Variants in C16orf92 observed in about 807,000 individuals in gnomAD.
C16orf92 encodes the protein fertilization-influencing membrane protein.
Under a neutral mutation model 13.7 loss-of-function variants are expected in C16orf92, and 14 were observed. The ratio of observed to expected loss-of-function variants is 1.02; its 90% CI spans 0.67 to 1.60. The LOEUF is 1.60. Among genes scored for constraint, C16orf92 ranks in the 40% most tolerant of loss-of-function variants. The pLI is 0.00. For synonymous variants in C16orf92, 50 were observed against 57.4 expected (o/e 0.87, Z 0.58); for missense variants, 116 against 139.0 (o/e 0.83, Z 0.83).
downstream of C16orf92, chr16:30,027,286 T>C (rs950289389): frequency 7.3e-6 from 3 of 413,662 alleles, no homozygotes; most frequent in African/African-American, 4.1e-5. Context: ...CGCCCATTCC[T>C]GCCTCCTGGG....
chr16:30,026,883 A>G (rs755410494), downstream of C16orf92: 2 of 1,546,054 alleles, frequency 1.3e-6, no homozygotes, highest in South Asian at 2.3e-5. Flanking sequence ...CAAGGAGGAA[A>G]GGGGACACCA....
chr16:30,024,429 G>A lies in C16orf92; in HGVS notation c.*202G>A, dbSNP rs868386125. On this transcript the variant is annotated 3_prime_UTR_variant, in exon 4 of 4. Coordinates refer to ENST00000681219, the MANE Select transcript of C16orf92 (RefSeq NM_001109659.2). ...GAACTTGGTGGCAAGGGCCTTGGTG[G>A]CGTTCACGCAGATCGTCTTTTATTA... 9 of 709,072 alleles carry A rather than the reference G, an allele frequency of 1.3e-5. 1 individual carries two copies. The Middle Eastern group carries it at 1.6e-3, about 125-fold the overall frequency. The allele number at this position is 709,072 out of a possible 1,614,324, so 43.9% of individuals were successfully genotyped here.
chr16:30,025,192 G>T, downstream of C16orf92: 1 of 1,473,178 alleles, frequency 6.8e-7, no homozygotes, highest in Non-Finnish European at 8.9e-7. This position sits in a 1 kb window ranked among gnomAD's most constrained non-coding sequence, Gnocchi z 4.1. Context: ...CTCAGTCCTG[G>T]GCCTGGCAGG....
intron 1 of C16orf92, 119 bp from the exon 2 acceptor site, chr16:30,023,608 C>A: frequency 6.4e-7 from 1 of 1,565,638 alleles, no homozygotes; most frequent in Non-Finnish European, 8.8e-7. Flanking sequence ...AAATCAAGAC[C>A]CTCCACAGCC....
chr16:30,025,000 A>C, downstream of C16orf92: 1 of 526,754 alleles, frequency 1.9e-6, no homozygotes, highest in Non-Finnish European at 3.3e-6. Context: ...GAGTAGGGGG[A>C]AGAGGTCCCC....
Position 30,024,258 on chromosome 16 carries a change from G to A in C16orf92, c.*31G>A. 1 of 1,610,508 alleles carries A rather than the reference G, an allele frequency of 6.2e-7. No homozygotes were observed. Among genetic ancestry groups the A allele is most frequent in the African/African-American group, 1.3e-5 (1 of 74,916 alleles). ...CGGACAAGGGCTCTGGACTCAACCT[G>A]AGCACCCACACCCACCTCCTCTCCT... is the stretch of plus-strand genomic sequence containing the variant. On this transcript the variant is annotated 3_prime_UTR_variant, in exon 4 of 4. Coordinates refer to ENST00000681219, the MANE Select transcript of C16orf92 (RefSeq NM_001109659.2).
Position 30,024,296 on chromosome 16 carries a change from A to G in C16orf92, c.*69A>G. ...CACCTCCTCTCCTGTTGATGAGCAAAAGTTCCCTGCTTTCCTCCTCCCTGA... is the reference window on the plus strand; with the variant it reads ...CACCTCCTCTCCTGTTGATGAGCAAGAGTTCCCTGCTTTCCTCCTCCCTGA... On this transcript the variant is annotated 3_prime_UTR_variant, in exon 4 of 4. Coordinates refer to ENST00000681219, the MANE Select transcript of C16orf92 (RefSeq NM_001109659.2). The G allele has an allele frequency of 7.1e-6, 11 of 1,555,446 alleles. No individual in the cohort carries two copies. The highest frequency in any genetic ancestry group is 8.8e-6 in the Non-Finnish European group (10 of 1,131,422).
downstream of C16orf92, chr16:30,026,633 C>T (rs1207219618): frequency 6.2e-7 from 1 of 1,613,722 alleles, no homozygotes; most frequent in East Asian, 2.2e-5. Flanking sequence ...AGCACACCAG[C>T]ACCATGGCGG....
downstream of C16orf92, chr16:30,025,621 G>C (rs140294527): frequency 6.6e-4 from 942 of 1,427,958 alleles, 1 homozygote; most frequent in Non-Finnish European, 8.5e-4. This position sits in a 1 kb window ranked among gnomAD's most constrained non-coding sequence, Gnocchi z 4.1. Context: ...CACGGGGTGA[G>C]GGGGGGATGA....
At position 30,023,980 on chromosome 16, in the gene C16orf92, G is replaced by C; in HGVS notation, c.224-19G>C. On this transcript the variant is annotated intron_variant, in intron 2 of 3. Transcript: ENST00000681219. ...ATTGGGCCATCAGAGGGGAGTTAAGGGTCCTGTTTGTCTAGCAGGTTCCAG... is the reference window on the plus strand; with the variant it reads ...ATTGGGCCATCAGAGGGGAGTTAAGCGTCCTGTTTGTCTAGCAGGTTCCAG... 1 of 1,605,728 alleles carries C rather than the reference G, an allele frequency of 6.2e-7. No individual in the cohort carries two copies. The highest frequency in any genetic ancestry group is 8.5e-7 in the Non-Finnish European group (1 of 1,172,418).
chr16:30,025,494 C>A (rs369393920), downstream of C16orf92: 2 of 1,609,290 alleles, frequency 1.2e-6, no homozygotes, highest in East Asian at 2.2e-5. The surrounding 1 kb of genome is among the most constrained non-coding windows in gnomAD (Gnocchi z 4.1). Flanking sequence ...ACAGTGGCCA[C>A]GGCAGCAGAA....
downstream of C16orf92, chr16:30,025,100 G>A (rs2071046340): frequency 1.0e-6 from 1 of 966,794 alleles, no homozygotes; most frequent in Non-Finnish European, 1.5e-6. The surrounding 1 kb of genome is among the most constrained non-coding windows in gnomAD (Gnocchi z 4.1). Context: ...AGAGGACCCT[G>A]GCTCCCAACC....
chr16:30,026,777 C>CATGGCGTAG (rs762387425), downstream of C16orf92: 1 of 1,614,180 alleles, frequency 6.2e-7, no homozygotes, highest in Non-Finnish European at 8.5e-7. Flanking sequence ...GACAGAGGAA[C>CATGGCGTAG]ATGGCGTAGA....
downstream of C16orf92, chr16:30,025,477 C>T (rs1198367455): frequency 6.2e-7 from 1 of 1,611,044 alleles, no homozygotes; most frequent in Non-Finnish European, 8.5e-7. This position sits in a 1 kb window ranked among gnomAD's most constrained non-coding sequence, Gnocchi z 4.1. Context: ...ACTGAGGAGA[C>T]ACAGACACAG....
At chr16:30,025,507 G>C (rs1346643438), downstream of C16orf92, 1 of 1,605,840 alleles carries the variant, frequency 6.2e-7, no homozygotes, top group Non-Finnish European at 8.5e-7. The surrounding 1 kb of genome is among the most constrained non-coding windows in gnomAD (Gnocchi z 4.1). Context: ...CAGCAGAAGG[G>C]CTCGGCCCCC....
chr16:30,025,720 A>C (rs770965031), downstream of C16orf92: 2 of 1,613,744 alleles, frequency 1.2e-6, no homozygotes, highest in African/African-American at 2.7e-5. This position sits in a 1 kb window ranked among gnomAD's most constrained non-coding sequence, Gnocchi z 4.1. Context: ...TCCCATGCTC[A>C]CTCACCTGGA....
In C16orf92 at chr16:30,023,199, T is replaced by A; in HGVS notation, c.-142T>A. On this transcript the variant is annotated 5_prime_UTR_variant, in exon 1 of 4. Transcript: ENST00000681219. ...CAGGGGGTGAAGACTGGTCCCAACC[T>A]CTCTTCTCCTCTCCTCTTCTGATGA... 1 of 674,598 alleles carries A rather than the reference T, an allele frequency of 1.5e-6. No individual in the cohort carries two copies. The highest frequency in any genetic ancestry group is 1.8e-5 in the African/African-American group (1 of 55,534). 41.8% of individuals were successfully genotyped at this position (674,598 alleles called of 1,614,324 possible). A position where few individuals can be genotyped will look rare whatever the true frequency, so the allele number is the denominator to read the frequency against.
intron 1 of C16orf92, 23 bp from the exon 2 acceptor site, chr16:30,023,704 C>T: frequency 6.2e-7 from 1 of 1,614,060 alleles, no homozygotes; most frequent in Non-Finnish European, 8.5e-7. Flanking sequence ...TGGCTGTTGT[C>T]ACAGAGTTTG....
At chr16:30,027,426 G>C (rs2071196149), downstream of C16orf92, among the ~76,000 whole-genome samples, 1 of 152,208 alleles carries the variant, frequency 6.6e-6, no homozygotes, top group African/African-American at 2.4e-5. Flanking sequence ...AGGTAACCTG[G>C]CCAAGGAAGG....
Sources: gnomAD v4.1 joint callset for allele counts (sites outside exome capture counted in the v4.1 genomes callset) on GRCh38, gnomAD v4.1.1 for gene constraint, Gnocchi (gnomAD v3.1) non-coding constraint, MANE v1.5 for transcripts, NCBI Gene and HGNC (gene_info 2026-07-23, HGNC 2026-07-21) for gene names.